RFWD3: variants seen among roughly 807,000 people sequenced by gnomAD.
RFWD3 encodes the protein E3 ubiquitin-protein ligase RFWD3.
Under a neutral mutation model 87.7 loss-of-function variants are expected in RFWD3, and 65 were observed. The observed-to-expected ratio is 0.74, with a 90% CI of 0.61 to 0.91. The LOEUF (loss-of-function observed/expected upper bound fraction) is 0.91, where lower values mean the gene tolerates loss of function less well. Ranked by LOEUF, RFWD3 falls within the 40% of genes least tolerant of loss-of-function variation. RFWD3 has a pLI of 0.00. For missense variants in RFWD3, 1,078 were observed against 938.5 expected, an observed-to-expected ratio of 1.15 and a Z score of -1.94; for synonymous variants, 433 against 352.8, an observed-to-expected ratio of 1.23 and a Z score of -2.55.
chr16:74,647,411 C>T (rs927403134), intron 4 of RFWD3, among the ~76,000 whole-genome samples: 3 of 152,070 alleles, frequency 2.0e-5, no homozygotes, highest in Non-Finnish European at 4.4e-5. Context: ...CCTCAGCTTC[C>T]CGAGTAGCTG....
At chr16:74,666,456 G>A (rs902096315) in intron 1 of RFWD3, 1 of 152,238 alleles carries the variant, frequency 6.6e-6, no homozygotes, top group Non-Finnish European at 1.5e-5. Context: ...CCCGAGGCTA[G>A]GCTCTCGGGG....
rs897022468 is a variant in RFWD3, at chr16:74,621,582, T to C, written c.*2346A>G. The C allele has an allele frequency of 3.3e-5, 5 of 151,872 alleles. No homozygotes were observed. The highest frequency in any genetic ancestry group is 4.8e-5 in the African/African-American group (2 of 41,300). The allele number at this position is 151,872 out of a possible 1,614,324, so 9.4% of individuals were successfully genotyped here. A position where few individuals can be genotyped will look rare whatever the true frequency, so the allele number is the denominator to read the frequency against. On this transcript the variant is annotated 3_prime_UTR_variant, in exon 13 of 13. Transcript: ENST00000361070. ...AGTGGGGAAAAAAACTTAGAGGTAG[T>C]GACAAAGGAATATGGTGGGGCAGAG...
In RFWD3 at chr16:74,632,539, T is replaced by C. The variant is rs764618501; in HGVS notation, c.1561A>G (p.Thr521Ala). 6.2e-6 allele frequency: 10 copies of C among 1,613,818 alleles called. No individual in the cohort carries two copies. The highest frequency in any genetic ancestry group is 5.9e-6 in the Non-Finnish European group (7 of 1,179,886). Residue 521 changes from threonine (T) to alanine (A), a missense_variant, in exon 9 of 13, where the codon ACT (threonine) becomes GCT (alanine). Thr to Ala is a moderately conservative substitution (Grantham distance 58). Transcript: ENST00000361070. ...ATCACTCACCTGGTCAGTTTAATAG[T>C]GTTGTCTAGGGAAGCAGAGAGTAGC... is the stretch of plus-strand genomic sequence containing the variant. Reference protein sequence around the residue: ...GLLLSASLDNTIKLTSLETNT... With the variant: ...GLLLSASLDNAIKLTSLETNT...
intron 2 of RFWD3, among the ~76,000 whole-genome samples, chr16:74,659,251 G>A (rs1773654968): frequency 6.6e-6 from 1 of 152,102 alleles, no homozygotes; most frequent in Non-Finnish European, 1.5e-5. Flanking sequence ...CAAGACTGAG[G>A]ACTTGCAAGA....
chr16:74,666,100 G>A (rs1166496084), intron 1 of RFWD3, among the ~76,000 whole-genome samples: 1 of 151,998 alleles, frequency 6.6e-6, no homozygotes, highest in African/African-American at 2.4e-5. Context: ...GGAGGGGAAG[G>A]GAGAGAGGGA....
Position 74,626,367 on chromosome 16 carries a change from C to A in RFWD3, c.2157G>T (p.Gly719=). ...ENDGNILVCT[G]DEAANSALLW... ...CCAGGGCAGAATTTGCTGCTTCATCCCCAGTACACACCAGGATGTTGCCAT... is the reference window on the plus strand; with the variant it reads ...CCAGGGCAGAATTTGCTGCTTCATCACCAGTACACACCAGGATGTTGCCAT... The change falls in exon 12 of 13, where the codon GGG becomes GGT. Residue 719 remains glycine, a synonymous_variant. Coordinates refer to ENST00000361070, the MANE Select transcript of RFWD3 (RefSeq NM_018124.4). 1 of 1,614,042 alleles carries A rather than the reference C, an allele frequency of 6.2e-7. No homozygotes were observed. Among genetic ancestry groups the A allele is most frequent in the Non-Finnish European group, 8.5e-7 (1 of 1,179,992 alleles).
chr16:74,632,285 G>A (rs951104586), intron 9 of RFWD3, among the ~76,000 whole-genome samples: 12 of 152,000 alleles, frequency 7.9e-5, no homozygotes, highest in African/African-American at 2.4e-4. Flanking sequence ...CTAGCTACTC[G>A]GGAGGCTGAG....
At chr16:74,646,851 T>A (rs1960186201) in intron 4 of RFWD3, among the ~76,000 whole-genome samples, 1 of 152,090 alleles carries the variant, frequency 6.6e-6, no homozygotes, top group African/African-American at 2.4e-5. Flanking sequence ...AGCGGGCGGA[T>A]CACCAGGTCA....
chr16:74,623,940 A>G lies in RFWD3; in HGVS notation c.2313T>C (p.Tyr771=), dbSNP rs144438494. The change falls in exon 13 of 13, where the codon TAT becomes TAC. Residue 771 remains tyrosine (Y), a synonymous_variant. Coordinates refer to ENST00000361070, the MANE Select transcript of RFWD3 (RefSeq NM_018124.4). ...ATLTEKMVHI[Y]KWE is the part of the protein sequence containing the mutation. ...TTCGAGACCACAGTCACTCCCACTT[A>G]TAGATGTGGACCATCTTCTCTGTTA... The G allele has an allele frequency of 2.4e-5, 39 of 1,613,994 alleles. No homozygotes were observed. The highest frequency in any genetic ancestry group is 2.8e-5 in the Non-Finnish European group (33 of 1,179,998).
intron 6 of RFWD3, among the ~76,000 whole-genome samples, chr16:74,643,669 GTTTTTT>G (rs35397997): frequency 1.9e-5 from 2 of 105,054 alleles, no homozygotes; most frequent in Non-Finnish European, 3.7e-5. Context: ...ACTAGCAACT[GTTTTTT>G]TTTTTTTTTT....
chr16:74,623,533 G>C lies in RFWD3; in HGVS notation c.*395C>G. 5.7e-6 allele frequency: 1 copy of C among 174,434 alleles called. No individual in the cohort carries two copies. The highest frequency in any genetic ancestry group is 2.4e-5 in the African/African-American group (1 of 41,912). 10.8% of individuals were successfully genotyped at this position (174,434 alleles called of 1,614,324 possible). A position where few individuals can be genotyped will look rare whatever the true frequency, so the allele number is the denominator to read the frequency against. ...TCCCTTCAAGGATACTTAAGTGACA[G>C]GACAACTCAGATGGGATGTCATATT... On this transcript the variant is annotated 3_prime_UTR_variant, in exon 13 of 13. Transcript: ENST00000361070.
At chr16:74,629,654 A>G (rs1039102059) in intron 10 of RFWD3, among the ~76,000 whole-genome samples, 3 of 148,598 alleles carry the variant, frequency 2.0e-5, no homozygotes, top group African/African-American at 4.9e-5. Flanking sequence ...CAAAAAAACC[A>G]CTACCACCAA....
intron 1 of RFWD3, among the ~76,000 whole-genome samples, chr16:74,665,660 C>T (rs1961824617): frequency 6.6e-6 from 1 of 152,178 alleles, no homozygotes; most frequent in South Asian, 2.1e-4. Flanking sequence ...TGCGGGAAGC[C>T]GAGGTGGGAG....
At chr16:74,644,124 A>C in intron 6 of RFWD3, 1 of 564,260 alleles carries the variant, frequency 1.8e-6, no homozygotes, top group Non-Finnish European at 3.2e-6. Flanking sequence ...AACAGAAGTA[A>C]TGTGCCAGAT....
At chr16:74,635,225 C>T (rs886576731) in intron 8 of RFWD3, among the ~76,000 whole-genome samples, 4 of 151,136 alleles carry the variant, frequency 2.6e-5, no homozygotes, top group Admixed American at 6.6e-5. Flanking sequence ...TGCAGTGAGC[C>T]GAGATAGAGA....
intron 8 of RFWD3, among the ~76,000 whole-genome samples, chr16:74,633,724 T>C (rs1267981224): frequency 1.3e-5 from 2 of 152,042 alleles, no homozygotes; most frequent in Non-Finnish European, 2.9e-5. Context: ...CTGAGGTGGG[T>C]GGCTCGCTTG....
rs189508148 is a variant in RFWD3 at position 74,652,923 on chromosome 16, C to T, written c.519-801G>A. Among the ~76,000 whole-genome samples, 559 of 152,304 alleles carry T rather than the reference C, an allele frequency of 3.7e-3. 1 individual carries two copies. Among genetic ancestry groups the T allele is most frequent in the African/African-American group, 0.013 (550 of 41,548 alleles). On this transcript the variant is annotated intron_variant, in intron 2 of 12. Coordinates refer to ENST00000361070, the MANE Select transcript of RFWD3 (RefSeq NM_018124.4). ...CTCCAACTCCTGACCTCAAATGATC[C>T]ACCCACCTTGGCCTCCCAAAATGCT...
At chr16:74,658,404 T>G (rs1328288900) in intron 2 of RFWD3, among the ~76,000 whole-genome samples, 1 of 152,232 alleles carries the variant, frequency 6.6e-6, no homozygotes, top group Non-Finnish European at 1.5e-5. Context: ...TACTTAGCTT[T>G]CCATAGCTTT....
In RFWD3 at chr16:74,652,109, A is replaced by G. The variant is rs1056648062; in HGVS notation, c.532T>C (p.Leu178=). ...CTGCTCACCTGAAAGTAAGCATCCA[A>G]TGGTGCTCTCAACCTATGTACACAG... is the stretch of plus-strand genomic sequence containing the variant. ...RTDSARLRAP[L]DAYFQVSRTQ... The change falls in exon 3 of 13, where the codon TTG becomes CTG. Residue 178 remains leucine, a synonymous_variant. Coordinates refer to ENST00000361070, the MANE Select transcript of RFWD3 (RefSeq NM_018124.4). 13 of 1,613,946 alleles carry G rather than the reference A, an allele frequency of 8.1e-6. No individual in the cohort carries two copies. Among genetic ancestry groups the G allele is most frequent in the African/African-American group, 2.7e-5 (2 of 74,912 alleles).
Sources: allele counts gnomAD v4.1 joint callset (sites outside exome capture counted in the v4.1 genomes callset), GRCh38; gene constraint gnomAD v4.1.1; transcripts MANE v1.5; gene names NCBI Gene and HGNC (gene_info 2026-07-23, HGNC 2026-07-21).